REEP3: variants seen among roughly 807,000 people sequenced by gnomAD.
REEP3 encodes receptor expression-enhancing protein 3.
REEP3 carries 20 observed loss-of-function variants against 41.3 expected under a neutral mutation model. The ratio of observed to expected loss-of-function variants is 0.48; its 90% confidence interval spans 0.34 to 0.70. The LOEUF is 0.70. Among genes scored for constraint, REEP3 ranks in the 30% least tolerant of loss-of-function variants. The pLI, the probability that REEP3 is intolerant of heterozygous loss-of-function variation, is 0.01. For synonymous variants in REEP3, 104 were observed against 101.8 expected, an observed-to-expected ratio of 1.02 and a Z score of -0.13; for missense variants, 271 against 308.8, an observed-to-expected ratio of 0.88 and a Z score of 0.92.
At chr10:63,567,553 GTA>G (rs1191319240) in intron 2 of REEP3, among the ~76,000 whole-genome samples, 21 of 152,184 alleles carry the variant, frequency 1.4e-4, no homozygotes, top group African/African-American at 4.8e-4. Context: ...ACATTCTACT[GTA>G]TGGATATATG....
chr10:63,524,494 G>A (rs1955340145), intron 1 of REEP3, among the ~76,000 whole-genome samples: 1 of 151,904 alleles, frequency 6.6e-6, no homozygotes. Context: ...CTGGAGTGCG[G>A]TGGTGTGATC....
chr10:63,561,874 G>A (rs1955743036), intron 1 of REEP3, among the ~76,000 whole-genome samples: 1 of 152,124 alleles, frequency 6.6e-6, no homozygotes. Context: ...CACATTGAAT[G>A]TAAATCTGAT....
chr10:63,538,114 G>A (rs1955492637), intron 1 of REEP3, among the ~76,000 whole-genome samples: 1 of 152,130 alleles, frequency 6.6e-6, no homozygotes, highest in African/African-American at 2.4e-5. Context: ...ACAGGCCTAA[G>A]AGATAGTGTT....
intron 6 of REEP3, among the ~76,000 whole-genome samples, chr10:63,616,720 C>T (rs1956314882): frequency 6.6e-6 from 1 of 152,106 alleles, no homozygotes; most frequent in Admixed American, 6.6e-5. Context: ...ACAGTTACTT[C>T]CTTTCTGACT....
At chr10:63,570,069 T>TA (rs1021546537) in intron 2 of REEP3, among the ~76,000 whole-genome samples, 9 of 151,940 alleles carry the variant, frequency 5.9e-5, no homozygotes, top group African/African-American at 1.9e-4. Context: ...AAAAAAGACT[T>TA]AAAAAAAAGA....
chr10:63,538,797 G>C (rs919031126), intron 1 of REEP3, among the ~76,000 whole-genome samples: 15 of 152,196 alleles, frequency 9.9e-5, no homozygotes, highest in African/African-American at 3.6e-4. Flanking sequence ...AATTTTCCAT[G>C]TGTGTTTTCC....
chr10:63,562,532 C>T (rs751798417), intron 1 of REEP3: 1 of 456,390 alleles, frequency 2.2e-6, no homozygotes, highest in South Asian at 1.5e-5. Flanking sequence ...GCTAGGATTA[C>T]AGGCATGAGC....
chr10:63,532,540 T>C (rs1188978554), intron 1 of REEP3, among the ~76,000 whole-genome samples: 4 of 151,448 alleles, frequency 2.6e-5, no homozygotes, highest in African/African-American at 9.7e-5. Flanking sequence ...CGGGCGCCTG[T>C]AATCCCAGCT....
In REEP3 at chr10:63,620,746, A is replaced by G. The variant is rs950767365; in HGVS notation, c.712-67A>G. The G allele has an allele frequency of 4.8e-6, 5 of 1,048,994 alleles. No individual in the cohort carries two copies. In the African/African-American group the frequency reaches 4.8e-5, roughly 10 times the overall value. The allele number at this position is 1,048,994 out of a possible 1,614,324, so 65.0% of individuals were successfully genotyped here. A position where few individuals can be genotyped will look rare whatever the true frequency, so the allele number is the denominator to read the frequency against. ...AAAAAAATTACTATGATTATGAACT[A>G]TTAAATCTGATGTAATTTTTTAAAG... is the stretch of plus-strand genomic sequence containing the variant. On this transcript the variant is annotated intron_variant, in intron 7 of 7. Transcript: ENST00000373758.
intron 1 of REEP3, among the ~76,000 whole-genome samples, chr10:63,523,172 G>A (rs576213170): frequency 6.0e-4 from 92 of 152,320 alleles, no homozygotes; most frequent in African/African-American, 2.1e-3. Flanking sequence ...TCAGTAACAC[G>A]TAGTTGATCA....
At chr10:63,594,977 GT>G in intron 3 of REEP3, 123 bp downstream of exon 3, 1 of 691,320 alleles carries the variant, frequency 1.4e-6, no homozygotes, top group Non-Finnish European at 2.6e-6. Flanking sequence ...CCACCCATTT[GT>G]TTTTGTCATC....
intron 5 of REEP3, among the ~76,000 whole-genome samples, chr10:63,609,008 T>C (rs1265734360): frequency 1.3e-5 from 2 of 152,256 alleles, no homozygotes; most frequent in African/African-American, 4.8e-5. Context: ...GTAGTAGATA[T>C]GTCTTGCCAG....
chr10:63,621,461 C>T lies in REEP3; in HGVS notation c.*592C>T, dbSNP rs1956353061. 6.6e-6 allele frequency: 1 copy of T among 152,576 alleles called. No individual in the cohort carries two copies. The highest frequency in any genetic ancestry group is 1.5e-5 in the Non-Finnish European group (1 of 68,004). 9.5% of individuals were successfully genotyped at this position (152,576 alleles called of 1,614,324 possible). ...TTTTATTCCTGACTAGTTTTGCACA[C>T]TTGAAAATTGTTTACTTATTTTACA... On this transcript the variant is annotated 3_prime_UTR_variant, in exon 8 of 8. Coordinates refer to ENST00000373758, the MANE Select transcript of REEP3 (RefSeq NM_001001330.3).
At chr10:63,597,685 G>A (rs1956127754) in intron 3 of REEP3, among the ~76,000 whole-genome samples, 1 of 152,178 alleles carries the variant, frequency 6.6e-6, no homozygotes, top group African/African-American at 2.4e-5. Flanking sequence ...GCCGAGGTGG[G>A]CGGATCACAT....
At chr10:63,583,607 A>G (rs1589876142) in intron 2 of REEP3, among the ~76,000 whole-genome samples, 1 of 152,286 alleles carries the variant, frequency 6.6e-6, no homozygotes, top group East Asian at 1.9e-4. Context: ...GGTGCCTAAG[A>G]AGTGGGACCA....
chr10:63,602,876 G>C (rs1055591420), intron 5 of REEP3, among the ~76,000 whole-genome samples: 3 of 152,142 alleles, frequency 2.0e-5, no homozygotes, highest in African/African-American at 7.2e-5. Context: ...AGTAGGTACT[G>C]GGAATGTAGC....
At chr10:63,537,320 G>A (rs995903442) in intron 1 of REEP3, among the ~76,000 whole-genome samples, 1 of 152,044 alleles carries the variant, frequency 6.6e-6, no homozygotes, top group Non-Finnish European at 1.5e-5. Context: ...ACAATGTATA[G>A]TTTAGTAATG....
intron 1 of REEP3, among the ~76,000 whole-genome samples, chr10:63,527,083 G>A (rs2133336100): frequency 6.6e-6 from 1 of 150,668 alleles, no homozygotes; most frequent in East Asian, 2.0e-4. Flanking sequence ...TAGTTTAATT[G>A]TCTGGCAGTA....
chr10:63,534,933 G>T (rs1955460222), intron 1 of REEP3, among the ~76,000 whole-genome samples: 1 of 152,140 alleles, frequency 6.6e-6, no homozygotes, highest in Admixed American at 6.6e-5. Context: ...TTCCTTTGAG[G>T]TCTAAAATTA....
Sources: allele counts gnomAD v4.1 joint callset (sites outside exome capture counted in the v4.1 genomes callset), GRCh38; gene constraint gnomAD v4.1.1; transcripts MANE v1.5; gene names NCBI Gene and HGNC (gene_info 2026-07-23, HGNC 2026-07-21).